Variants in PXDNL observed in about 807,000 individuals in gnomAD.
PXDNL encodes the protein peroxidasin like.
A neutral mutation model predicts 150.8 loss-of-function variants in PXDNL; 145 were observed. That is an observed-to-expected ratio of 0.96 (90% CI 0.84 to 1.10). The LOEUF (loss-of-function observed/expected upper bound fraction) is 1.10. PXDNL is among the 50% of genes least tolerant of loss of function. The pLI is 0.00. For missense variants in PXDNL, 2,087 were observed against 1,873.9 expected (o/e 1.11, Z -2.10); for synonymous variants, 757 against 725.7 (o/e 1.04, Z -0.69).
chr8:51,543,697 C>T lies in PXDNL; in HGVS notation c.380+13143G>A, dbSNP rs1200008798. ...ATTGCACTCCAGCCTGGTGACAGAG[C>T]GAGACTCCATATCAAAAAAAAAAAA... On this transcript the variant is annotated intron_variant, in intron 4 of 22. Coordinates refer to ENST00000356297, the MANE Select transcript of PXDNL (RefSeq NM_144651.5). 9.0e-5 allele frequency among the ~76,000 whole-genome samples: 11 copies of T among 122,456 alleles called. No individual in the cohort carries two copies. In the South Asian group the frequency reaches 1.0e-3, roughly 11 times the overall value. 80.3% of individuals were successfully genotyped at this position (122,456 alleles called of 152,430 possible).
intron 1 of PXDNL, among the ~76,000 whole-genome samples, chr8:51,758,796 A>G (rs571072697): frequency 2.6e-5 from 4 of 152,308 alleles, no homozygotes; most frequent in Admixed American, 6.5e-5. Flanking sequence ...TAAATCACCC[A>G]GTCTCAGGCA....
At chr8:51,785,746 C>T (rs1181388315) in intron 1 of PXDNL, among the ~76,000 whole-genome samples, 1 of 152,144 alleles carries the variant, frequency 6.6e-6, no homozygotes, top group Non-Finnish European at 1.5e-5. Context: ...CTCCTTGGGC[C>T]TCCCAATTCC....
intron 1 of PXDNL, among the ~76,000 whole-genome samples, chr8:51,742,684 G>GTA (rs991784167): frequency 1.3e-5 from 2 of 151,468 alleles, no homozygotes. Context: ...ACATATAAAT[G>GTA]TATATATATC....
At position 51,565,281 on chromosome 8, in the gene PXDNL, C is replaced by CATAAATAA. The variant is rs1382679137; in HGVS notation, c.309-8371_309-8370insTTATTTAT. Among the ~76,000 whole-genome samples the CATAAATAA allele has an allele frequency of 9.7e-5, 7 of 71,966 alleles. No individual in the cohort carries two copies. The East Asian group carries it at 3.6e-3, about 37-fold the overall frequency. The allele number at this position is 71,966 out of a possible 152,430, so 47.2% of individuals were successfully genotyped here. Reference sequence around the variant, plus strand: ...CCCCTTCAGCTGCAATATATCTTTTCCTAAATAAATAAATAAATAAATAAA... The same window carrying CATAAATAA: ...CCCCTTCAGCTGCAATATATCTTTTCATAAATAACTAAATAAATAAATAAATAAATAAA... On this transcript the variant is annotated intron_variant, in intron 3 of 22. Coordinates refer to ENST00000356297, the MANE Select transcript of PXDNL (RefSeq NM_144651.5).
chr8:51,358,143 A>T (rs1056063231), intron 19 of PXDNL, among the ~76,000 whole-genome samples: 1 of 152,234 alleles, frequency 6.6e-6, no homozygotes, highest in Non-Finnish European at 1.5e-5. Context: ...ACCTATTATG[A>T]TAAGTTTCAT....
chr8:51,433,616 C>G (rs961547250), intron 12 of PXDNL, among the ~76,000 whole-genome samples: 1 of 152,142 alleles, frequency 6.6e-6, no homozygotes, highest in Non-Finnish European at 1.5e-5. Flanking sequence ...TGCCACTTCT[C>G]CTTTCTTAGC....
At chr8:51,642,231 A>G (rs1250123943) in intron 2 of PXDNL, among the ~76,000 whole-genome samples, 2 of 151,770 alleles carry the variant, frequency 1.3e-5, no homozygotes, top group East Asian at 3.9e-4. Context: ...GGGGAGGGAT[A>G]GCATTAGGAG....
At chr8:51,492,830 T>A (rs909229993) in intron 5 of PXDNL, among the ~76,000 whole-genome samples, 4 of 152,200 alleles carry the variant, frequency 2.6e-5, no homozygotes, top group Non-Finnish European at 5.9e-5. Context: ...GAGGCCTGCC[T>A]GCCTCTGTAG....
chr8:51,545,170 A>G (rs982889756), intron 4 of PXDNL, among the ~76,000 whole-genome samples: 1 of 151,980 alleles, frequency 6.6e-6, no homozygotes, highest in African/African-American at 2.4e-5. Context: ...AATTATTATC[A>G]GAATATAAAA....
At chr8:51,721,428 C>A (rs1386859693) in intron 1 of PXDNL, among the ~76,000 whole-genome samples, 1 of 152,042 alleles carries the variant, frequency 6.6e-6, no homozygotes, top group Non-Finnish European at 1.5e-5. Flanking sequence ...TTTATGAGAT[C>A]CATAAACAAT....
chr8:51,360,072 A>C (rs955112129), intron 19 of PXDNL, among the ~76,000 whole-genome samples: 1 of 151,944 alleles, frequency 6.6e-6, no homozygotes, highest in Non-Finnish European at 1.5e-5. Context: ...ATGAGTAGTA[A>C]AGGCAAGCAT....
chr8:51,393,595 G>T (rs1297653701), intron 17 of PXDNL, among the ~76,000 whole-genome samples: 3 of 152,218 alleles, frequency 2.0e-5, no homozygotes, highest in Non-Finnish European at 4.4e-5. Context: ...AGATGTCCAT[G>T]GCCTAATCTT....
At chr8:51,448,304 A>G (rs759805370) in intron 11 of PXDNL, among the ~76,000 whole-genome samples, 25 of 152,208 alleles carry the variant, frequency 1.6e-4, no homozygotes, top group Non-Finnish European at 2.9e-5. Context: ...CCCACACTTC[A>G]GGAACAGCAG....
At chr8:51,609,177 T>C (rs961010638) in intron 2 of PXDNL, among the ~76,000 whole-genome samples, 1 of 152,214 alleles carries the variant, frequency 6.6e-6, no homozygotes, top group African/African-American at 2.4e-5. Flanking sequence ...TAATTCTCAA[T>C]AAATCTTCTT....
intron 4 of PXDNL, among the ~76,000 whole-genome samples, chr8:51,539,859 G>C (rs1812172298): frequency 6.6e-6 from 1 of 151,210 alleles, no homozygotes; most frequent in African/African-American, 2.4e-5. Context: ...TTCAGCTTGA[G>C]GTCTATCAAT....
chr8:51,504,201 CA>C (rs1811241030), intron 4 of PXDNL, among the ~76,000 whole-genome samples: 1 of 152,218 alleles, frequency 6.6e-6, no homozygotes. Flanking sequence ...AATACAAGAA[CA>C]AACTGGTCTG....
intron 1 of PXDNL, among the ~76,000 whole-genome samples, chr8:51,728,166 G>A (rs1202264619): frequency 6.6e-6 from 1 of 152,174 alleles, no homozygotes; most frequent in Non-Finnish European, 1.5e-5. Context: ...ATTGTGTAAT[G>A]CATTACTCAC....
At chr8:51,744,044 AGG>A in intron 1 of PXDNL, among the ~76,000 whole-genome samples, 1 of 35,154 alleles carries the variant, frequency 2.8e-5, no homozygotes, top group Non-Finnish European at 6.6e-5. Flanking sequence ...GAAGGAAGGA[AGG>A]AAGGAAGGAA....
At position 51,635,782 on chromosome 8, in the gene PXDNL, G is replaced by T. The variant is rs559204716; in HGVS notation, c.236+18907C>A. ...TCGTAAATTTTATCAAATATTTAAA[G>T]AATTAATACCACCTCTTCTCAAAAT... On this transcript the variant is annotated intron_variant, in intron 2 of 22. Coordinates refer to ENST00000356297, the MANE Select transcript of PXDNL (RefSeq NM_144651.5). Among the ~76,000 whole-genome samples the T allele has an allele frequency of 3.3e-5, 5 of 151,958 alleles. No individual in the cohort carries two copies. The South Asian group carries it at 8.3e-4, about 25-fold the overall frequency.
Sources: gnomAD v4.1 joint callset for allele counts (sites outside exome capture counted in the v4.1 genomes callset) on GRCh38, gnomAD v4.1.1 for gene constraint, MANE v1.5 for transcripts, NCBI Gene and HGNC (gene_info 2026-07-23, HGNC 2026-07-21) for gene names.